HMGB4: variants seen among roughly 807,000 people sequenced by gnomAD.
The protein encoded by HMGB4 is high mobility group box 4, also known as high mobility group protein B4.
For missense variants in HMGB4, 217 were observed against 220.4 expected, an observed-to-expected ratio of 0.98 and a Z score of 0.10; for synonymous variants, 82 against 84.9, an observed-to-expected ratio of 0.97 and a Z score of 0.19.
rs1046579898 is a variant in HMGB4, at chr1:33,864,547, C to T, written c.356C>T (p.Ser119Leu). Residue 119 changes from serine to leucine, a missense_variant, in exon 1 of 1, where the codon TCG becomes TTG. Ser to Leu is a moderately radical substitution (Grantham distance 145). Transcript: ENST00000681531. ...CTGAAGAGGGAGAACCCGAACTGGT[C>T]GGTGGTGCAGGTGGCCAAGGCCACA... ...AQLKRENPNW[S>L]VVQVAKATGK... The T allele has an allele frequency of 7.4e-6, 12 of 1,613,876 alleles. No homozygotes were observed. Among genetic ancestry groups the T allele is most frequent in the Middle Eastern group, 1.6e-4 (1 of 6,080 alleles).
At chr1:33,862,716 C>T (rs1357650465), upstream of HMGB4, 2 of 152,260 alleles carry the variant, frequency 1.3e-5, no homozygotes, top group African/African-American at 4.8e-5. Context: ...GGAGGGGCTT[C>T]CCTGGCCAGT....
upstream of HMGB4, chr1:33,862,784 G>T (rs146246076): frequency 1.3e-5 from 2 of 152,136 alleles, no homozygotes; most frequent in Non-Finnish European, 2.9e-5. Context: ...GGATGGCTTA[G>T]GTAGGCCAGC....
At position 33,864,557 on chromosome 1, in the gene HMGB4, G is replaced by A. The variant is rs368945159; in HGVS notation, c.366G>A (p.Gln122=). The A allele has an allele frequency of 6.2e-6, 10 of 1,614,072 alleles. No homozygotes were observed. The highest frequency in any genetic ancestry group is 8.5e-6 in the Non-Finnish European group (10 of 1,180,008). The change falls in exon 1 of 1, where the codon CAG becomes CAA. Residue 122 remains glutamine, a synonymous_variant. Coordinates refer to ENST00000681531, the MANE Select transcript of HMGB4 (RefSeq NM_001379301.1). ...KRENPNWSVV[Q]VAKATGKMWS... ...AGAACCCGAACTGGTCGGTGGTGCA[G>A]GTGGCCAAGGCCACAGGGAAGATGT...
At chr1:33,864,790 TATTTC>T (rs1639859519) in exon 1 of HMGB4, 1 of 1,527,084 alleles carries the variant, frequency 6.5e-7, no homozygotes, top group Non-Finnish European at 8.9e-7. Flanking sequence ...CATTCAACCG[TATTTC>T]CTGTTCCTGG....
At position 33,864,232 on chromosome 1, in the gene HMGB4, C is replaced by G. The variant is rs371723682; in HGVS notation, c.41C>G (p.Ser14Cys). 1.4e-5 allele frequency: 23 copies of G among 1,612,216 alleles called. No individual in the cohort carries two copies. In the African/African-American group the frequency reaches 2.5e-4, roughly 18 times the overall value. The change falls in exon 1 of 1, where the codon TCT becomes TGT. Residue 14 changes from serine to cysteine, a missense_variant. By Grantham distance (112) the Ser-to-Cys change is moderately radical. Transcript: ENST00000681531. ...EIQLKPKANVSSYVHFLLNYR... is the reference protein window; with the variant it reads ...EIQLKPKANVCSYVHFLLNYR... Reference sequence around the variant, plus strand: ...CAGCTAAAGCCTAAGGCAAATGTCTCTTCTTACGTTCACTTTTTGCTGAAT... The same window carrying G: ...CAGCTAAAGCCTAAGGCAAATGTCTGTTCTTACGTTCACTTTTTGCTGAAT...
upstream of HMGB4, among the ~76,000 whole-genome samples, chr1:33,861,778 T>G (rs538560845): frequency 1.3e-5 from 2 of 152,078 alleles, no homozygotes; most frequent in East Asian, 3.9e-4. Flanking sequence ...CAGGAGGAGA[T>G]AAAGAAAGGG....
chr1:33,861,909 A>C (rs1639545493), upstream of HMGB4, among the ~76,000 whole-genome samples: 1 of 150,526 alleles, frequency 6.6e-6, no homozygotes, highest in Non-Finnish European at 1.5e-5. Flanking sequence ...ATCCAGGAGA[A>C]TAAATGCCTT....
chr1:33,862,951 G>A (rs2295606), upstream of HMGB4: 72,255 of 152,070 alleles, frequency 0.48, 18,290 homozygotes, highest in East Asian at 0.62. Flanking sequence ...TTCCTTGTCC[G>A]GCTCAGCTGC....
At chr1:33,861,133 T>G (rs1639466458), upstream of HMGB4, 1 of 152,208 alleles carries the variant, frequency 6.6e-6, no homozygotes. Context: ...TGGCTCATAT[T>G]AAGCATTATA....
At chr1:33,862,292 T>C (rs553808034), upstream of HMGB4, 2 of 151,454 alleles carry the variant, frequency 1.3e-5, no homozygotes, top group African/African-American at 4.8e-5. Flanking sequence ...TTAATCTTCC[T>C]GGATCTTATC....
chr1:33,864,548 G>T lies in HMGB4; in HGVS notation c.357G>T (p.Ser119=). The T allele has an allele frequency of 6.2e-7, 1 of 1,614,074 alleles. No homozygotes were observed. The highest frequency in any genetic ancestry group is 1.7e-5 in the Admixed American group (1 of 60,022). Residue 119 remains serine (S), a synonymous_variant, in exon 1 of 1, where the codon TCG becomes TCT. Transcript: ENST00000681531. The part of the protein sequence containing the change: ...AQLKRENPNW[S]VVQVAKATGK... ...TGAAGAGGGAGAACCCGAACTGGTC[G>T]GTGGTGCAGGTGGCCAAGGCCACAG...
upstream of HMGB4, chr1:33,861,449 G>C (rs1639499289): frequency 6.6e-6 from 1 of 152,152 alleles, no homozygotes; most frequent in South Asian, 2.1e-4. Context: ...CTAGACCAAT[G>C]CTCCTGCCTG....
In HMGB4 at chr1:33,864,772, C is replaced by A; in HGVS notation, c.*20C>A. On this transcript the variant is annotated 3_prime_UTR_variant, in exon 1 of 1. Transcript: ENST00000681531. ...AGCTGATGGATCCAGTTTGAAAAAACAAAATGCCATTCAACCGTATTTCCT... is the reference window on the plus strand; with the variant it reads ...AGCTGATGGATCCAGTTTGAAAAAAAAAAATGCCATTCAACCGTATTTCCT... 3 of 1,575,138 alleles carry A rather than the reference C, an allele frequency of 1.9e-6. No homozygotes were observed. Among genetic ancestry groups the A allele is most frequent in the South Asian group, 2.4e-5 (2 of 84,732 alleles).
chr1:33,861,369 T>G (rs1222567290), upstream of HMGB4: 1 of 152,170 alleles, frequency 6.6e-6, no homozygotes, highest in Non-Finnish European at 1.5e-5. Flanking sequence ...CGAGGTATAG[T>G]GGCAGAGCTG....
chr1:33,864,543 TG>T lies in HMGB4; in HGVS notation c.354del (p.Trp118CysfsTer32). ...TCAGCTGAAGAGGGAGAACCCGAAC[TG>T]GTCGGTGGTGCAGGTGGCCAAGGCC... ...YAQLKRENPN[W>X]SVVQVAKATG... is the part of the protein sequence containing the mutation. On this transcript the variant is annotated frameshift_variant, in exon 1 of 1. Transcript: ENST00000681531. LOFTEE classifies it low-confidence loss of function (END_TRUNC). 6.2e-7 allele frequency: 1 copy of T among 1,614,040 alleles called. No individual in the cohort carries two copies. Among genetic ancestry groups the T allele is most frequent in the Non-Finnish European group, 8.5e-7 (1 of 1,179,992 alleles).
upstream of HMGB4, among the ~76,000 whole-genome samples, chr1:33,861,489 G>A (rs1449580561): frequency 2.0e-5 from 3 of 152,164 alleles, no homozygotes; most frequent in African/African-American, 7.2e-5. Flanking sequence ...GGGAATATTG[G>A]ACACCTCTTC....
At position 33,864,227 on chromosome 1, in the gene HMGB4, T is replaced by G; in HGVS notation, c.36T>G (p.Asn12Lys). The part of the protein sequence containing the change: ...GKEIQLKPKA[N>K]VSSYVHFLLN... ...AAATCCAGCTAAAGCCTAAGGCAAA[T>G]GTCTCTTCTTACGTTCACTTTTTGC... Residue 12 changes from asparagine to lysine, a missense_variant, in exon 1 of 1, where the codon AAT becomes AAG. Asn to Lys is a moderately conservative substitution (Grantham distance 94). Transcript: ENST00000681531. The G allele has an allele frequency of 6.2e-7, 1 of 1,610,312 alleles. No homozygotes were observed. Among genetic ancestry groups the G allele is most frequent in the Non-Finnish European group, 8.5e-7 (1 of 1,179,064 alleles).
Position 33,864,405 on chromosome 1 carries a change from C to A in HMGB4, c.214C>A (p.Gln72Lys). The A allele has an allele frequency of 4.3e-6, 7 of 1,613,354 alleles. No individual in the cohort carries two copies. Among genetic ancestry groups the A allele is most frequent in the Non-Finnish European group, 5.9e-6 (7 of 1,179,360 alleles). The change falls in exon 1 of 1, where the codon CAG becomes AAG. Residue 72 changes from glutamine (Q) to lysine (K), a missense_variant. Physicochemically the swap from Gln to Lys is moderately conservative, Grantham distance 53 (BLOSUM62 1). Coordinates refer to ENST00000681531, the MANE Select transcript of HMGB4 (RefSeq NM_001379301.1). ...ALAKLDKARY[Q>K]EEMMNYVGKR... ...GGCCAAACTCGACAAAGCCCGATAC[C>A]AGGAAGAAATGATGAATTATGTTGG...
rs911218 is a variant in HMGB4 at position 33,864,296 on chromosome 1, T to C, written c.105T>C (p.Tyr35=). Residue 35 remains tyrosine (Y), a synonymous_variant, in exon 1 of 1, where the codon TAT becomes TAC. Coordinates refer to ENST00000681531, the MANE Select transcript of HMGB4 (RefSeq NM_001379301.1). ...TCAAGGAGCAGCAGCCAAATACCTA[T>C]GTTGGCTTTAAAGAGTTCTCTAGAA... The part of the protein sequence containing the change: ...NKFKEQQPNT[Y]VGFKEFSRKC... The C allele has an allele frequency of 0.96, 1,544,933 of 1,614,026 alleles. 739,670 individuals carry two copies. Among genetic ancestry groups the C allele is most frequent in the East Asian group, 1 (44,881 of 44,884 alleles).
Sources: gnomAD v4.1 joint callset for allele counts (sites outside exome capture counted in the v4.1 genomes callset) on GRCh38, gnomAD v4.1.1 for gene constraint, MANE v1.5 for transcripts, NCBI Gene and HGNC (gene_info 2026-07-23, HGNC 2026-07-21) for gene names.